NRXN1: variants seen among roughly 807,000 people sequenced by gnomAD.
NRXN1 encodes neurexin 1, also known as neurexin-1.
In NRXN1, 39 loss-of-function variants were observed where a neutral mutation model predicts 150.9. The observed-to-expected ratio is 0.26, with a 90% CI of 0.20 to 0.34. NRXN1 has a LOEUF of 0.34. Among genes scored for constraint, NRXN1 ranks in the 10% least tolerant of loss-of-function variants. The pLI is 1.00. For synonymous variants in NRXN1, 924 were observed against 757.0 expected (o/e 1.22, Z -3.62); for missense variants, 1,815 against 1,949.9 (o/e 0.93, Z 1.30).
chr2:50,448,448 G>T (rs965923100), intron 17 of NRXN1, among the ~76,000 whole-genome samples: 1 of 152,062 alleles, frequency 6.6e-6, no homozygotes, highest in South Asian at 2.1e-4. Context: ...AGGGGCCCTC[G>T]GAGATGATAA....
At chr2:50,466,502 T>TAA (rs375018522) in intron 16 of NRXN1, 4 of 404,642 alleles carry the variant, frequency 9.9e-6, no homozygotes, top group African/African-American at 2.2e-5. Context: ...GTCAGCAAAA[T>TAA]AAAAAAAAAA....
At chr2:50,999,675 T>G (rs1172601566) in intron 2 of NRXN1, among the ~76,000 whole-genome samples, 1 of 152,020 alleles carries the variant, frequency 6.6e-6, no homozygotes, top group African/African-American at 2.4e-5. Context: ...TGATAGGGAA[T>G]GACCTCTCCA....
intron 17 of NRXN1, among the ~76,000 whole-genome samples, chr2:50,373,601 G>GAGAA (rs1476091127): frequency 7.5e-6 from 1 of 134,008 alleles, no homozygotes; most frequent in East Asian, 2.2e-4. Flanking sequence ...GAAAGAGAGA[G>GAGAA]AGAAAGAAAG....
chr2:50,180,402 C>A (rs760762780), intron 18 of NRXN1, among the ~76,000 whole-genome samples: 7 of 152,032 alleles, frequency 4.6e-5, no homozygotes, highest in Non-Finnish European at 1.0e-4. Context: ...GCTAGTGTTC[C>A]AGCATGTATA....
At chr2:50,608,607 C>T (rs1238753333) in intron 8 of NRXN1, among the ~76,000 whole-genome samples, 2 of 151,730 alleles carry the variant, frequency 1.3e-5, no homozygotes, top group African/African-American at 2.4e-5. Flanking sequence ...AGATAATAAA[C>T]CAAATAATTA....
intron 5 of NRXN1, among the ~76,000 whole-genome samples, chr2:50,786,324 C>T (rs1705106308): frequency 6.6e-6 from 1 of 151,974 alleles, no homozygotes; most frequent in African/African-American, 2.4e-5. Flanking sequence ...TGTTTTTATT[C>T]CTCTTTATAG....
At chr2:50,229,331 G>T (rs200000012) in intron 18 of NRXN1, among the ~76,000 whole-genome samples, 1,183 of 55,122 alleles carry the variant, frequency 0.021, 8 homozygotes, top group South Asian at 0.039. Flanking sequence ...ATTTTTTTTT[G>T]TGTGTGTGTG....
chr2:50,414,815 A>T (rs2083425953), intron 17 of NRXN1, among the ~76,000 whole-genome samples: 1 of 152,116 alleles, frequency 6.6e-6, no homozygotes, highest in Admixed American at 6.6e-5. Flanking sequence ...ATTTTGTCAT[A>T]TGAACGTTCG....
At chr2:50,657,860 T>A (rs892604020) in intron 5 of NRXN1, among the ~76,000 whole-genome samples, 1 of 151,978 alleles carries the variant, frequency 6.6e-6, no homozygotes, top group African/African-American at 2.4e-5. Context: ...GCTGTGGTAT[T>A]TACTGAGGTC....
At chr2:50,117,634 T>C (rs557992760) in intron 18 of NRXN1, among the ~76,000 whole-genome samples, 1 of 152,252 alleles carries the variant, frequency 6.6e-6, no homozygotes, top group Admixed American at 6.5e-5. Context: ...TCTTGTTATG[T>C]GCCTCAAAAA....
intron 2 of NRXN1, among the ~76,000 whole-genome samples, chr2:51,003,090 C>G (rs1575183726): frequency 1.3e-5 from 2 of 151,842 alleles, no homozygotes; most frequent in East Asian, 3.9e-4. Context: ...TTATTACTAT[C>G]CAAGAATATC....
chr2:50,634,532 T>C (rs1682939241), intron 5 of NRXN1, among the ~76,000 whole-genome samples: 1 of 152,220 alleles, frequency 6.6e-6, no homozygotes, highest in Non-Finnish European at 1.5e-5. Context: ...ACAGAATATT[T>C]ATGTATATAT....
intron 5 of NRXN1, among the ~76,000 whole-genome samples, chr2:50,759,835 TGTG>T: frequency 1.3e-5 from 1 of 74,958 alleles, no homozygotes; most frequent in Non-Finnish European, 2.6e-5. Context: ...GCTGTGTGTG[TGTG>T]TGTGTGTGTG....
intron 17 of NRXN1, among the ~76,000 whole-genome samples, chr2:50,351,558 C>T (rs1451487588): frequency 6.6e-6 from 1 of 152,082 alleles, no homozygotes; most frequent in Non-Finnish European, 1.5e-5. Context: ...CTAAATTTTA[C>T]CTGAACACGC....
At chr2:50,894,535 A>T (rs1265723446) in intron 5 of NRXN1, among the ~76,000 whole-genome samples, 1 of 151,978 alleles carries the variant, frequency 6.6e-6, no homozygotes, top group Admixed American at 6.6e-5. Context: ...TCTATACACA[A>T]AGAAATAGTT....
chr2:50,356,863 A>C (rs945625805), intron 17 of NRXN1, among the ~76,000 whole-genome samples: 3 of 152,218 alleles, frequency 2.0e-5, no homozygotes, highest in African/African-American at 7.2e-5. Flanking sequence ...GTTATTTTTA[A>C]ATGAACTAGT....
intron 18 of NRXN1, among the ~76,000 whole-genome samples, chr2:50,176,636 C>T (rs1234253600): frequency 2.6e-5 from 4 of 152,092 alleles, no homozygotes; most frequent in Admixed American, 2.6e-4. Context: ...GAAAGGATGG[C>T]ATATAAAGGT....
intron 5 of NRXN1, among the ~76,000 whole-genome samples, chr2:50,896,120 T>G (rs1467140854): frequency 6.6e-6 from 1 of 152,078 alleles, no homozygotes; most frequent in African/African-American, 2.4e-5. Flanking sequence ...ATGCAGAAAA[T>G]TATTTCTTAC....
chr2:50,479,767 C>CTTTTTTTTTTTTTTTTTTTTTTT (rs35301086), intron 15 of NRXN1, among the ~76,000 whole-genome samples: 1 of 79,866 alleles, frequency 1.3e-5, no homozygotes, highest in African/African-American at 5.1e-5. Flanking sequence ...ATTTCTTTTT[C>CTTTTTTTTTTTTTTTTTTTTTTT]TTTTTTTTTT....
Sources: allele counts gnomAD v4.1 joint callset (sites outside exome capture counted in the v4.1 genomes callset), GRCh38; gene constraint gnomAD v4.1.1; transcripts MANE v1.5; gene names NCBI Gene and HGNC (gene_info 2026-07-23, HGNC 2026-07-21).